The following LMNB1 variants were observed in gnomAD, a reference collection of about 807,000 sequenced individuals.
LMNB1 encodes lamin-B1.
Under a neutral mutation model 67.1 loss-of-function variants are expected in LMNB1, and 23 were observed. The ratio of observed to expected loss-of-function variants is 0.34; its 90% confidence interval spans 0.25 to 0.49. The LOEUF is 0.49. LMNB1 is among the 20% of genes least tolerant of loss of function. LMNB1 has a pLI of 0.99. For missense variants in LMNB1, 634 were observed against 746.5 expected (o/e 0.85, Z 1.76); for synonymous variants, 281 against 282.9 (o/e 0.99, Z 0.07).
Position 126,826,056 on chromosome 5 carries a change from GTGGGGCAC to G in LMNB1, c.1564_1571del (p.Gly522ArgfsTer23). 1 of 1,614,036 alleles carries G rather than the reference GTGGGGCAC, an allele frequency of 6.2e-7. No homozygotes were observed. Among genetic ancestry groups the G allele is most frequent in the Non-Finnish European group, 8.5e-7 (1 of 1,179,948 alleles). ...ACCTCATCTGGAAGAACCAGAACTC[GTGGGGCAC>G]TGGCGAAGATGTGAAGGTTATATTG... On this transcript the variant is annotated frameshift_variant, in exon 9 of 11. Coordinates refer to ENST00000261366, the MANE Select transcript of LMNB1 (RefSeq NM_005573.4). LOFTEE classifies it high-confidence loss of function.
chr5:126,824,575 A>G (rs1202175969), intron 8 of LMNB1, among the ~76,000 whole-genome samples: 1 of 152,212 alleles, frequency 6.6e-6, no homozygotes, highest in African/African-American at 2.4e-5. Flanking sequence ...ACATTTTATG[A>G]TGATGATTAC....
chr5:126,800,475 C>T (rs959555958), intron 1 of LMNB1, among the ~76,000 whole-genome samples: 3 of 149,928 alleles, frequency 2.0e-5, no homozygotes, highest in African/African-American at 4.9e-5. Flanking sequence ...GAGTGAAGTC[C>T]GAGGCTCAGA....
At chr5:126,815,473 C>A (rs886658591) in intron 5 of LMNB1, among the ~76,000 whole-genome samples, 1 of 152,126 alleles carries the variant, frequency 6.6e-6, no homozygotes, top group African/African-American at 2.4e-5. Flanking sequence ...CTTAAAAACA[C>A]CTCTAACTTT....
In LMNB1 at chr5:126,822,819, T is replaced by C. The variant is rs775035935; in HGVS notation, c.1425T>C (p.Ile475=). The C allele has an allele frequency of 2.5e-6, 4 of 1,613,270 alleles. No individual in the cohort carries two copies. Among genetic ancestry groups the C allele is most frequent in the East Asian group, 2.2e-5 (1 of 44,846 alleles). The change falls in exon 8 of 11, where the codon ATT becomes ATC. Residue 475 remains isoleucine (I), a synonymous_variant. Transcript: ENST00000261366. The part of the protein sequence containing the change: ...PMGGWEMIRK[I]GDTSVSYKYT... ...GAGGCTGGGAGATGATCAGAAAAATTGGAGACACATCAGTCAGTTATAAAT... is the reference window on the plus strand; with the variant it reads ...GAGGCTGGGAGATGATCAGAAAAATCGGAGACACATCAGTCAGTTATAAAT...
At chr5:126,784,346 T>G (rs908683153) in intron 1 of LMNB1, among the ~76,000 whole-genome samples, 2 of 147,388 alleles carry the variant, frequency 1.4e-5, no homozygotes, top group Non-Finnish European at 3.0e-5. Flanking sequence ...ATTTGAATTT[T>G]TATTATTTTA....
intron 1 of LMNB1, among the ~76,000 whole-genome samples, chr5:126,787,546 A>ATATATATATATATATATTTTTTT: frequency 1.1e-4 from 7 of 65,554 alleles, no homozygotes; most frequent in African/African-American, 2.6e-4. Flanking sequence ...ATATATATAT[A>ATATATATATATATATATTTTTTT]TTTTTTTTTT....
chr5:126,804,473 G>C (rs1751366637), intron 1 of LMNB1, among the ~76,000 whole-genome samples: 1 of 152,038 alleles, frequency 6.6e-6, no homozygotes, highest in South Asian at 2.1e-4. Flanking sequence ...TCCTGTGTTA[G>C]TGTGCCTCTT....
chr5:126,791,236 T>C (rs1383718636), intron 1 of LMNB1, among the ~76,000 whole-genome samples: 1 of 152,000 alleles, frequency 6.6e-6, no homozygotes, highest in African/African-American at 2.4e-5. Context: ...TTGAATTCTT[T>C]TGGTCTTGAA....
chr5:126,821,241 T>TG (rs1360176253), intron 7 of LMNB1, 106 bp downstream of exon 7: 9 of 703,426 alleles, frequency 1.3e-5, no homozygotes, highest in Non-Finnish European at 2.3e-5. Context: ...TACGTCTTCA[T>TG]GGAATAAGGG....
intron 1 of LMNB1, among the ~76,000 whole-genome samples, chr5:126,798,784 T>TGTGTGTGTGTGTGC (rs201855609): frequency 3.3e-5 from 5 of 151,654 alleles, no homozygotes; most frequent in Admixed American, 1.3e-4. Flanking sequence ...TGTGTGTGTG[T>TGTGTGTGTGTGTGC]GCGTGTGCTT....
At chr5:126,825,804 G>C (rs1415363289) in intron 8 of LMNB1, among the ~76,000 whole-genome samples, 184 bp from the exon 9 acceptor site, 2 of 152,108 alleles carry the variant, frequency 1.3e-5, no homozygotes, top group African/African-American at 4.8e-5. Flanking sequence ...TTATCAGATG[G>C]GGAAGCTGAG....
At chr5:126,819,313 A>G (rs941628593) in intron 6 of LMNB1, 171 bp downstream of exon 6, 1 of 542,248 alleles carries the variant, frequency 1.8e-6, no homozygotes, top group Non-Finnish European at 3.3e-6. Flanking sequence ...ATCGCAGAAA[A>G]TGTTGCTCAA....
intron 5 of LMNB1, among the ~76,000 whole-genome samples, chr5:126,814,158 G>A (rs1053887958): frequency 6.6e-6 from 1 of 152,174 alleles, no homozygotes; most frequent in Non-Finnish European, 1.5e-5. Flanking sequence ...GCCTCCCAAA[G>A]TGTTGGGATT....
intron 5 of LMNB1, among the ~76,000 whole-genome samples, chr5:126,816,534 A>G (rs549101110): frequency 6.6e-6 from 1 of 152,258 alleles, no homozygotes; most frequent in South Asian, 2.1e-4. Flanking sequence ...ACCATAGTAT[A>G]TTTGTCAAAA....
At chr5:126,789,536 T>A (rs1025454811) in intron 1 of LMNB1, among the ~76,000 whole-genome samples, 2 of 152,306 alleles carry the variant, frequency 1.3e-5, no homozygotes, top group South Asian at 2.1e-4. Context: ...TTTCCCTACA[T>A]GGGCTGGTCC....
chr5:126,807,056 C>T (rs535012131), intron 3 of LMNB1, among the ~76,000 whole-genome samples: 28 of 152,276 alleles, frequency 1.8e-4, no homozygotes, highest in African/African-American at 6.0e-4. Flanking sequence ...GGATTACAGG[C>T]GTGAGCCACC....
intron 1 of LMNB1, among the ~76,000 whole-genome samples, chr5:126,793,965 C>A (rs896633926): frequency 1.3e-5 from 2 of 151,560 alleles, no homozygotes; most frequent in Non-Finnish European, 2.9e-5. Context: ...GATGGAATCT[C>A]GCTTTGTTGC....
chr5:126,800,951 C>CTATATATATATATA (rs57113826), intron 1 of LMNB1, among the ~76,000 whole-genome samples: 43 of 47,282 alleles, frequency 9.1e-4, no homozygotes, highest in South Asian at 3.1e-3. Context: ...TGCAGCCAGA[C>CTATATATATATATA]TATATATATA....
chr5:126,821,818 T>A (rs1032829144), intron 7 of LMNB1, among the ~76,000 whole-genome samples: 5 of 151,688 alleles, frequency 3.3e-5, no homozygotes, highest in African/African-American at 1.2e-4. Flanking sequence ...CAGGCGGCAG[T>A]GGGATGGATG....
Sources: gnomAD v4.1 joint callset for allele counts (sites outside exome capture counted in the v4.1 genomes callset) on GRCh38, gnomAD v4.1.1 for gene constraint, MANE v1.5 for transcripts, NCBI Gene and HGNC (gene_info 2026-07-23, HGNC 2026-07-21) for gene names.